The following GSG1L variants were observed in gnomAD, a reference collection of about 807,000 sequenced individuals.
GSG1L encodes the protein germ cell-specific gene 1-like protein.
In GSG1L, 24 loss-of-function variants were observed where a neutral mutation model predicts 42.1. The ratio of observed to expected loss-of-function variants is 0.57; its 90% CI spans 0.41 to 0.80. The LOEUF (loss-of-function observed/expected upper bound fraction) is 0.80. Among genes scored for constraint, GSG1L ranks in the 30% least tolerant of loss-of-function variants. The pLI is 0.00. For missense variants in GSG1L, 445 were observed against 472.2 expected (o/e 0.94, Z 0.53); for synonymous variants, 215 against 203.5 (o/e 1.06, Z -0.48).
intron 3 of GSG1L, among the ~76,000 whole-genome samples, chr16:27,857,786 A>G (rs1281931777): frequency 6.7e-6 from 1 of 149,508 alleles, no homozygotes; most frequent in Non-Finnish European, 1.5e-5. Flanking sequence ...CTCTCTCCCT[A>G]CCCCCTCTCC....
intron 1 of GSG1L, among the ~76,000 whole-genome samples, chr16:28,032,634 G>C (rs558226005): frequency 6.6e-6 from 1 of 152,094 alleles, no homozygotes; most frequent in African/African-American, 2.4e-5. Context: ...ATTTAAGATC[G>C]CTTCCTTCCC....
chr16:27,896,056 G>A (rs2084188371), intron 2 of GSG1L, among the ~76,000 whole-genome samples: 1 of 152,146 alleles, frequency 6.6e-6, no homozygotes, highest in Non-Finnish European at 1.5e-5. Flanking sequence ...CAGACCTACT[G>A]ACTGAAGACC....
chr16:28,013,608 C>G (rs911098721), intron 1 of GSG1L, among the ~76,000 whole-genome samples: 2 of 152,150 alleles, frequency 1.3e-5, no homozygotes, highest in Non-Finnish European at 2.9e-5. Flanking sequence ...TGACCACGTG[C>G]CAGGTGCCAC....
intron 6 of GSG1L, among the ~76,000 whole-genome samples, chr16:27,800,682 G>A (rs1028665989): frequency 3.3e-5 from 5 of 152,182 alleles, no homozygotes; most frequent in African/African-American, 2.4e-5. Context: ...CATCTTTGGG[G>A]ACAGTTAGGA....
intron 2 of GSG1L, among the ~76,000 whole-genome samples, chr16:27,908,346 C>A (rs2084344059): frequency 6.6e-6 from 1 of 152,224 alleles, no homozygotes; most frequent in African/African-American, 2.4e-5. Flanking sequence ...AACGCTTATA[C>A]TTGCAGACCT....
intron 1 of GSG1L, among the ~76,000 whole-genome samples, chr16:27,963,702 C>T (rs1010139114): frequency 6.6e-6 from 1 of 152,174 alleles, no homozygotes; most frequent in South Asian, 2.1e-4. Flanking sequence ...GGCCTGTCCA[C>T]CCACTGCCCT....
chr16:27,800,850 C>T (rs566917692), intron 6 of GSG1L, among the ~76,000 whole-genome samples: 35 of 152,188 alleles, frequency 2.3e-4, no homozygotes, highest in Non-Finnish European at 3.8e-4. Context: ...ACACTCAAGG[C>T]GCCTGTTCTC....
intron 1 of GSG1L, among the ~76,000 whole-genome samples, chr16:28,053,564 G>A (rs2086243051): frequency 6.6e-6 from 1 of 152,166 alleles, no homozygotes; most frequent in African/African-American, 2.4e-5. Context: ...GCCTCAAGGA[G>A]TCACTTCCCC....
In GSG1L at chr16:27,869,797, GTCTCTGTCTCCCTCCATCTCTCTC is replaced by G. The variant is rs1241059022; in HGVS notation, c.550+14665_550+14688del. ...TCTAGCTCTCTCTCCTTCTCTCTTT[GTCTCTGTCTCCCTCCATCTCTCTC>G]TCTCTGTCTCCCTCCATCTCTCTCT... On this transcript the variant is annotated intron_variant, in intron 3 of 6. Coordinates refer to ENST00000447459, the MANE Select transcript of GSG1L (RefSeq NM_001109763.2). Among the ~76,000 whole-genome samples, 16 of 67,940 alleles carry G rather than the reference GTCTCTGTCTCCCTCCATCTCTCTC, an allele frequency of 2.4e-4. No individual in the cohort carries two copies. The East Asian group carries it at 2.7e-3, about 11-fold the overall frequency. 44.6% of individuals were successfully genotyped at this position (67,940 alleles called of 152,430 possible).
At chr16:27,993,445 C>T (rs951320772) in intron 1 of GSG1L, among the ~76,000 whole-genome samples, 3 of 152,094 alleles carry the variant, frequency 2.0e-5, no homozygotes, top group African/African-American at 7.2e-5. Flanking sequence ...CTAGAGTCCC[C>T]ACTTTCAATC....
intron 2 of GSG1L, among the ~76,000 whole-genome samples, chr16:27,957,073 G>A (rs985979549): frequency 6.6e-6 from 1 of 152,340 alleles, no homozygotes; most frequent in South Asian, 2.1e-4. Flanking sequence ...CATCAACTGG[G>A]TGCGGTGGCT....
At chr16:27,889,818 AATCCTCATCC>A (rs1423605272) in intron 2 of GSG1L, among the ~76,000 whole-genome samples, 1 of 152,144 alleles carries the variant, frequency 6.6e-6, no homozygotes, top group East Asian at 1.9e-4. Flanking sequence ...TTTGCACCCA[AATCCTCATCC>A]TATGCTGCGC....
chr16:28,008,620 G>A (rs546861908), intron 1 of GSG1L, among the ~76,000 whole-genome samples: 27 of 152,200 alleles, frequency 1.8e-4, no homozygotes, highest in East Asian at 1.7e-3. Context: ...AGAAAAGTAC[G>A]TCAGATTGCA....
intron 3 of GSG1L, among the ~76,000 whole-genome samples, chr16:27,879,630 A>T (rs933417494): frequency 1.3e-5 from 2 of 151,998 alleles, no homozygotes; most frequent in African/African-American, 4.8e-5. Context: ...ATAATAATAA[A>T]TTTTTTAACT....
In GSG1L at chr16:28,059,883, G is replaced by A. The variant is rs898021167; in HGVS notation, c.349+3193C>T. Among the ~76,000 whole-genome samples the A allele has an allele frequency of 6.6e-6, 1 of 152,170 alleles. No individual in the cohort carries two copies. Among genetic ancestry groups the A allele is most frequent in the Non-Finnish European group, 1.5e-5 (1 of 68,042 alleles). On this transcript the variant is annotated intron_variant, in intron 1 of 6. Transcript: ENST00000447459. The surrounding 1 kb of genome is among the most constrained non-coding windows in gnomAD (Gnocchi z 4.4). ...AAAGTGTGTCTGTTTAGGGCAGGCT[G>A]CAGTTTTCTTTGTGAACACTGTAGA...
Position 27,910,314 on chromosome 16 carries a change from C to G in GSG1L, c.398-25676G>C, listed in dbSNP as rs529111676. 2.6e-5 allele frequency among the ~76,000 whole-genome samples: 4 copies of G among 151,938 alleles called. No individual in the cohort carries two copies. In the South Asian group the frequency reaches 8.3e-4, roughly 32 times the overall value. ...GTCTGGTCCATATTTGGGACAAGGACAAATGTAGTATTCAAGAGAAATACT... is the reference window on the plus strand; with the variant it reads ...GTCTGGTCCATATTTGGGACAAGGAGAAATGTAGTATTCAAGAGAAATACT... On this transcript the variant is annotated intron_variant, in intron 2 of 6. Transcript: ENST00000447459.
At chr16:27,919,848 TTAGAAA>T (rs1275440004) in intron 2 of GSG1L, among the ~76,000 whole-genome samples, 1 of 152,190 alleles carries the variant, frequency 6.6e-6, no homozygotes. Context: ...GACAGAGTAT[TTAGAAA>T]AACCCATATC....
chr16:27,864,322 A>G (rs2083690747), intron 3 of GSG1L, among the ~76,000 whole-genome samples: 1 of 152,216 alleles, frequency 6.6e-6, no homozygotes, highest in African/African-American at 2.4e-5. Flanking sequence ...TTTCCAAAGG[A>G]AAGTCATTGT....
intron 1 of GSG1L, among the ~76,000 whole-genome samples, chr16:28,021,978 C>T (rs1000735429): frequency 6.6e-6 from 1 of 152,184 alleles, no homozygotes; most frequent in South Asian, 2.1e-4. Flanking sequence ...AGTTGCAATG[C>T]CTTTTGTGAC....
Sources: allele counts gnomAD v4.1 joint callset (sites outside exome capture counted in the v4.1 genomes callset), GRCh38; gene constraint gnomAD v4.1.1; non-coding constraint Gnocchi (gnomAD v3.1); transcripts MANE v1.5; gene names NCBI Gene and HGNC (gene_info 2026-07-23, HGNC 2026-07-21).